Variants in RFX4 observed in about 807,000 individuals in gnomAD.
RFX4 encodes the protein regulatory factor X4.
RFX4 carries 10 observed loss-of-function variants against 95.0 expected under a neutral mutation model. The ratio of observed to expected loss-of-function variants is 0.11; its 90% confidence interval spans 0.06 to 0.18. The LOEUF is 0.18. RFX4 is among the 10% of genes least tolerant of loss of function. RFX4 has a pLI of 1.00. For synonymous variants in RFX4, 321 were observed against 340.7 expected (o/e 0.94, Z 0.64); for missense variants, 640 against 922.0 (o/e 0.69, Z 3.96).
At chr12:106,719,931 T>C (rs769068423) in intron 11 of RFX4, 29 bp from the exon 12 acceptor site, 28 of 1,544,770 alleles carry the variant, frequency 1.8e-5, no homozygotes, top group Non-Finnish European at 2.1e-5. Context: ...ACTGCAGTGA[T>C]GCGTGTGGGG....
chr12:106,739,032 C>T (rs2042761010), intron 15 of RFX4, among the ~76,000 whole-genome samples: 1 of 99,194 alleles, frequency 1.0e-5, no homozygotes, highest in Non-Finnish European at 2.6e-5. Context: ...TTAAAATTAT[C>T]GCTTGACTTA....
At position 106,645,024 on chromosome 12, in the gene RFX4, G is replaced by C. The variant is rs189257607; in HGVS notation, c.191+5632G>C. ...TTGCTTCTCCTTCTTCCCCTTCCTT[G>C]CCACAAACCCCCTCCCCCTCCCCCT... On this transcript the variant is annotated intron_variant, in intron 3 of 17. Coordinates refer to ENST00000392842, the MANE Select transcript of RFX4 (RefSeq NM_213594.3). 8.1e-3 allele frequency among the ~76,000 whole-genome samples: 1,229 copies of C among 151,932 alleles called. 3 individuals carry two copies. Among genetic ancestry groups the C allele is most frequent in the Admixed American group, 0.012 (187 of 15,270 alleles).
chr12:106,739,705 A>G (rs1355128971), intron 15 of RFX4, among the ~76,000 whole-genome samples: 1 of 152,204 alleles, frequency 6.6e-6, no homozygotes, highest in African/African-American at 2.4e-5. Context: ...GTTTACGGCA[A>G]TGTCATGATA....
chr12:106,744,879 C>T (rs762696184), intron 15 of RFX4, among the ~76,000 whole-genome samples: 1 of 152,134 alleles, frequency 6.6e-6, no homozygotes, highest in Non-Finnish European at 1.5e-5. Flanking sequence ...CAAAAGGAAC[C>T]GTCCTTAGAA....
chr12:106,703,614 C>T (rs896316647), intron 8 of RFX4, among the ~76,000 whole-genome samples: 1 of 152,222 alleles, frequency 6.6e-6, no homozygotes, highest in Middle Eastern at 3.2e-3. Context: ...GAAAGATTCA[C>T]ATACTTTTAA....
At chr12:106,694,620 G>A (rs2041843944) in intron 7 of RFX4, among the ~76,000 whole-genome samples, 1 of 152,172 alleles carries the variant, frequency 6.6e-6, no homozygotes, top group Non-Finnish European at 1.5e-5. Flanking sequence ...TACCCTGACT[G>A]GCTGTCTGGC....
At chr12:106,587,209 C>T (rs1434457839) in intron 1 of RFX4, among the ~76,000 whole-genome samples, 1 of 152,194 alleles carries the variant, frequency 6.6e-6, no homozygotes, top group Non-Finnish European at 1.5e-5. Flanking sequence ...GCTTTCCTAC[C>T]CGGCCTGCAG....
chr12:106,757,681 G>A (rs1326633113), intron 17 of RFX4, among the ~76,000 whole-genome samples: 3 of 152,112 alleles, frequency 2.0e-5, no homozygotes, highest in Non-Finnish European at 4.4e-5. Flanking sequence ...AGTGAGAGCC[G>A]CCTTTCATAG....
At chr12:106,606,261 T>C (rs987902572) in intron 1 of RFX4, among the ~76,000 whole-genome samples, 1 of 151,992 alleles carries the variant, frequency 6.6e-6, no homozygotes, top group African/African-American at 2.4e-5. Context: ...GATTGGGGTG[T>C]AGATGTGAGT....
rs773180417 is a variant in RFX4, at chr12:106,720,041, G to T, written c.1220G>T (p.Arg407Leu). The part of the protein sequence containing the change: ...YIEWLDTMVD[R>L]CVVKVAAKRQ... ...GAGTGGCTGGATACCATGGTTGACCGCTGTGTTGTGAAGGTTGGTAAACCG... is the reference window on the plus strand; with the variant it reads ...GAGTGGCTGGATACCATGGTTGACCTCTGTGTTGTGAAGGTTGGTAAACCG... Residue 407 changes from arginine (R) to leucine (L), a missense_variant, in exon 12 of 18, where the codon CGC becomes CTC. Arg to Leu is a moderately radical substitution (Grantham distance 102, BLOSUM62 -2). Coordinates refer to ENST00000392842, the MANE Select transcript of RFX4 (RefSeq NM_213594.3). This position sits in a 1 kb window ranked among gnomAD's most constrained non-coding sequence, Gnocchi z 4.2. The T allele has an allele frequency of 5.6e-6, 9 of 1,613,906 alleles. No homozygotes were observed. In the Admixed American group the frequency reaches 1.3e-4, roughly 24 times the overall value.
chr12:106,752,307 T>TGGTACC (rs1161152744), intron 17 of RFX4, among the ~76,000 whole-genome samples: 151 of 152,170 alleles, frequency 9.9e-4, no homozygotes, highest in African/African-American at 3.4e-3. Flanking sequence ...ATCTCTGTTT[T>TGGTACC]GGTACCAGTA....
intron 13 of RFX4, among the ~76,000 whole-genome samples, chr12:106,730,773 G>C (rs1375113203): frequency 6.6e-6 from 1 of 152,170 alleles, no homozygotes; most frequent in Non-Finnish European, 1.5e-5. Flanking sequence ...GGCCGAGGTA[G>C]GTGGATCACC....
intron 4 of RFX4, chr12:106,681,262 T>A (rs990742977): frequency 6.6e-6 from 1 of 152,178 alleles, no homozygotes; most frequent in African/African-American, 2.4e-5. Context: ...CTTGCTCTCA[T>A]GGAGCGTGTG....
chr12:106,734,595 C>CA (rs34486302), intron 15 of RFX4, among the ~76,000 whole-genome samples: 54,701 of 138,492 alleles, frequency 0.39, 10,258 homozygotes, highest in African/African-American at 0.43. Context: ...GACTCCATCT[C>CA]AAAAAAAAAA....
intron 7 of RFX4, among the ~76,000 whole-genome samples, chr12:106,695,412 C>G (rs1018658374): frequency 3.3e-5 from 5 of 152,170 alleles, no homozygotes; most frequent in African/African-American, 1.2e-4. Context: ...CACTTCACCC[C>G]CTATTCTACT....
chr12:106,598,185 C>T (rs975658290), intron 1 of RFX4, among the ~76,000 whole-genome samples: 2 of 152,118 alleles, frequency 1.3e-5, no homozygotes, highest in African/African-American at 4.8e-5. Flanking sequence ...CTAATCCCAC[C>T]TGGTAACTTT....
chr12:106,746,547 A>T (rs993486041), intron 15 of RFX4, among the ~76,000 whole-genome samples: 1 of 152,046 alleles, frequency 6.6e-6, no homozygotes, highest in South Asian at 2.1e-4. Context: ...ACAAAAAAAA[A>T]ACTAACCATC....
intron 3 of RFX4, among the ~76,000 whole-genome samples, chr12:106,643,732 C>T (rs753935849): frequency 5.9e-5 from 9 of 151,768 alleles, no homozygotes; most frequent in Admixed American, 1.3e-4. Flanking sequence ...TAAAAAAAAA[C>T]CCAGGATATA....
rs34213070 is a variant in RFX4, at chr12:106,704,065, C to CAAA, written c.834-5241_834-5239dup. On this transcript the variant is annotated intron_variant, in intron 8 of 17. Transcript: ENST00000392842. ...TGGGTGACATAGCAAGACACTGTCTCAAAAAAAAAAAAAAAAAAAAAAAAA... is the reference window on the plus strand; with the variant it reads ...TGGGTGACATAGCAAGACACTGTCTCAAAAAAAAAAAAAAAAAAAAAAAAAAAA... Among the ~76,000 whole-genome samples, 38 of 40,942 alleles carry CAAA rather than the reference C, an allele frequency of 9.3e-4. 3 individuals are homozygous for CAAA. The highest frequency in any genetic ancestry group is 1.7e-3 in the African/African-American group (23 of 13,868). 26.9% of individuals were successfully genotyped at this position (40,942 alleles called of 152,430 possible).
Sources: gnomAD v4.1 joint callset for allele counts (sites outside exome capture counted in the v4.1 genomes callset) on GRCh38, gnomAD v4.1.1 for gene constraint, Gnocchi (gnomAD v3.1) non-coding constraint, MANE v1.5 for transcripts, NCBI Gene and HGNC (gene_info 2026-07-23, HGNC 2026-07-21) for gene names.